LIPK: variants seen among roughly 807,000 people sequenced by gnomAD.
LIPK encodes lipase family member K, also known as lipase member K.
LIPK carries 32 observed loss-of-function variants against 48.6 expected under a neutral mutation model. The ratio of observed to expected loss-of-function variants is 0.66; its 90% CI spans 0.50 to 0.88. The LOEUF (loss-of-function observed/expected upper bound fraction) is 0.88. Ranked by LOEUF, LIPK falls within the 40% of genes least tolerant of loss-of-function variation. LIPK has a pLI of 0.00. For missense variants in LIPK, 507 were observed against 478.5 expected (o/e 1.06, Z -0.56); for synonymous variants, 164 against 157.4 (o/e 1.04, Z -0.32).
intron 1 of LIPK, among the ~76,000 whole-genome samples, chr10:88,715,628 A>C (rs1370083923): frequency 6.6e-6 from 1 of 152,034 alleles, no homozygotes; most frequent in Non-Finnish European, 1.5e-5. Context: ...TTTCTGTATT[A>C]GCATTTAATG....
At chr10:88,726,708 C>A in intron 2 of LIPK, 87 bp from the exon 3 acceptor site, 1 of 733,340 alleles carries the variant, frequency 1.4e-6, no homozygotes, top group Non-Finnish European at 2.3e-6. Flanking sequence ...AACAAACAAA[C>A]AGACAAATAA....
chr10:88,714,074 C>A (rs747783274), intron 1 of LIPK, among the ~76,000 whole-genome samples: 1 of 152,026 alleles, frequency 6.6e-6, no homozygotes. Context: ...TCCAGTATCA[C>A]GGTAAATGGA....
chr10:88,741,328 A>C (rs959162730), intron 8 of LIPK, among the ~76,000 whole-genome samples: 2 of 152,164 alleles, frequency 1.3e-5, no homozygotes, highest in Admixed American at 1.3e-4. Context: ...GGGTTTAAGC[A>C]ATCCTCCCAT....
At chr10:88,728,006 T>A (rs1590142844) in intron 3 of LIPK, 2 of 366,756 alleles carry the variant, frequency 5.5e-6, no homozygotes, top group Non-Finnish European at 1.1e-5. Context: ...AAGGTGGAGG[T>A]GGAGCTTGAC....
chr10:88,728,692 G>GGT (rs1400576813), intron 3 of LIPK: 4 of 437,250 alleles, frequency 9.1e-6, no homozygotes, highest in South Asian at 3.6e-5. Context: ...ACGCAGAGCA[G>GGT]GTGTATGCAT....
At chr10:88,725,177 G>C (rs1360474528) in intron 2 of LIPK, among the ~76,000 whole-genome samples, 3 of 152,042 alleles carry the variant, frequency 2.0e-5, no homozygotes, top group African/African-American at 7.2e-5. Flanking sequence ...TATAAACGGC[G>C]CACAATTGCT....
chr10:88,708,737 T>A (rs1329670276), intron 1 of LIPK, among the ~76,000 whole-genome samples: 1 of 152,090 alleles, frequency 6.6e-6, no homozygotes, highest in African/African-American at 2.4e-5. Context: ...AAGTTTTACA[T>A]CTTTTATTTT....
chr10:88,707,458 A>G (rs1299907621), intron 1 of LIPK, among the ~76,000 whole-genome samples: 5 of 152,058 alleles, frequency 3.3e-5, no homozygotes, highest in Non-Finnish European at 4.4e-5. Context: ...AATCTTTCAG[A>G]CCCTATTTTA....
rs1261053412 is a variant in LIPK at position 88,739,997 on chromosome 10, G to A, written c.818G>A (p.Ser273Asn). The stretch of plus-strand genomic sequence containing the variant: ...AGATGAGAAGTAATCTCTTTGCAGA[G>A]TCGCTTGGATGTTTATTTGTCACAC... ...SGFDPQNLNM[S>N]RLDVYLSHNP... Residue 273 changes from serine (S) to asparagine (N), a missense_variant and splice_region_variant, in exon 8 of 10, where the codon AGT becomes AAT. Ser to Asn is a conservative substitution (Grantham distance 46). Coordinates refer to ENST00000404190, the MANE Select transcript of LIPK (RefSeq NM_001080518.2). 1.9e-6 allele frequency: 3 copies of A among 1,610,122 alleles called. No homozygotes were observed. In the African/African-American group the frequency reaches 4.0e-5, roughly 22 times the overall value.
Position 88,731,163 on chromosome 10 carries a change from C to A in LIPK, c.404C>A (p.Pro135Gln). Reference protein sequence around the residue: ...RKHLKLSPKSPEYWAFSLDEM... With the variant: ...RKHLKLSPKSQEYWAFSLDEM... ...CACCTTAAATTGTCACCGAAATCAC[C>A]GGAATACTGGGCCTTCAGGTAAAGA... The change falls in exon 4 of 10, where the codon CCG (proline) becomes CAG (glutamine). Residue 135 changes from proline to glutamine, a missense_variant. Pro to Gln is a moderately conservative substitution (Grantham distance 76). Transcript: ENST00000404190. 1.3e-6 allele frequency: 2 copies of A among 1,577,026 alleles called. No individual in the cohort carries two copies. The highest frequency in any genetic ancestry group is 1.7e-6 in the Non-Finnish European group (2 of 1,164,300).
At chr10:88,719,185 T>C (rs1156950418) in intron 1 of LIPK, among the ~76,000 whole-genome samples, 1 of 152,186 alleles carries the variant, frequency 6.6e-6, no homozygotes, top group African/African-American at 2.4e-5. Flanking sequence ...TGTTAGATGT[T>C]TTATAGACAT....
At chr10:88,714,495 C>T (rs996427466) in intron 1 of LIPK, among the ~76,000 whole-genome samples, 1 of 152,136 alleles carries the variant, frequency 6.6e-6, no homozygotes, top group Non-Finnish European at 1.5e-5. Context: ...AGATAGGATG[C>T]TCACCAATGA....
At chr10:88,716,356 C>CTTTTTTTT (rs11374780) in intron 1 of LIPK, among the ~76,000 whole-genome samples, 3 of 120,334 alleles carry the variant, frequency 2.5e-5, no homozygotes, top group Non-Finnish European at 5.0e-5. Flanking sequence ...AGGAAAATTT[C>CTTTTTTTT]TTTTTTTTTT....
chr10:88,735,540 T>G (rs187735145), intron 6 of LIPK, among the ~76,000 whole-genome samples: 1 of 152,370 alleles, frequency 6.6e-6, no homozygotes, highest in East Asian at 1.9e-4. Flanking sequence ...TTCCACTTTT[T>G]CAATGCCAAC....
At chr10:88,740,588 T>C (rs1842660607) in intron 8 of LIPK, among the ~76,000 whole-genome samples, 1 of 152,260 alleles carries the variant, frequency 6.6e-6, no homozygotes, top group African/African-American at 2.4e-5. Context: ...GAGATAAGTC[T>C]AATCCAGTTG....
chr10:88,746,452 AG>A (rs1842767601), intron 9 of LIPK, among the ~76,000 whole-genome samples: 1 of 152,206 alleles, frequency 6.6e-6, no homozygotes, highest in African/African-American at 2.4e-5. Context: ...GTACAATAAA[AG>A]TAGAAATCAA....
intron 1 of LIPK, among the ~76,000 whole-genome samples, chr10:88,710,282 G>C (rs566402660): frequency 1.6e-4 from 25 of 152,142 alleles, no homozygotes; most frequent in African/African-American, 4.3e-4. Flanking sequence ...TTATTGAGTG[G>C]AACTACTGGG....
Position 88,743,235 on chromosome 10 carries a change from C to T in LIPK, c.889-15C>T. ...TATTTTCTTATATTATTTTAACGTG[C>T]TTATTTTATTTTAGGCTGTTAATTC... On this transcript the variant is annotated splice_polypyrimidine_tract_variant and intron_variant, in intron 8 of 9. Transcript: ENST00000404190. 2.6e-6 allele frequency: 4 copies of T among 1,551,576 alleles called. No individual in the cohort carries two copies. Among genetic ancestry groups the T allele is most frequent in the African/African-American group, 2.7e-5 (2 of 73,590 alleles).
At position 88,732,560 on chromosome 10, in the gene LIPK, C is replaced by T; in HGVS notation, c.669+9C>T. 1 of 1,588,324 alleles carries T rather than the reference C, an allele frequency of 6.3e-7. No homozygotes were observed. The highest frequency in any genetic ancestry group is 8.5e-7 in the Non-Finnish European group (1 of 1,172,274). ...CCAGGCGAGTAGTTAAGGTATGTGACTTCCCAAGTTTTAATCTGAAATAAC... is the reference window on the plus strand; with the variant it reads ...CCAGGCGAGTAGTTAAGGTATGTGATTTCCCAAGTTTTAATCTGAAATAAC... On this transcript the variant is annotated intron_variant, in intron 6 of 9. Coordinates refer to ENST00000404190, the MANE Select transcript of LIPK (RefSeq NM_001080518.2).
Sources: allele counts gnomAD v4.1 joint callset (sites outside exome capture counted in the v4.1 genomes callset), GRCh38; gene constraint gnomAD v4.1.1; transcripts MANE v1.5; gene names NCBI Gene and HGNC (gene_info 2026-07-23, HGNC 2026-07-21).